Variants in KLHL32 observed in about 807,000 individuals in gnomAD.
KLHL32 encodes the protein kelch like family member 32, also known as kelch-like protein 32.
KLHL32 carries 35 observed loss-of-function variants against 64.8 expected under a neutral mutation model. That is an observed-to-expected ratio of 0.54 (90% CI 0.41 to 0.72). The LOEUF is 0.72. Ranked by LOEUF, KLHL32 falls within the 30% of genes least tolerant of loss-of-function variation. The pLI is 0.00. For missense variants in KLHL32, 589 were observed against 768.5 expected, an observed-to-expected ratio of 0.77 and a Z score of 2.76; for synonymous variants, 259 against 281.0, an observed-to-expected ratio of 0.92 and a Z score of 0.78.
chr6:96,948,338 T>C (rs955182107), intron 1 of KLHL32, among the ~76,000 whole-genome samples: 1 of 152,098 alleles, frequency 6.6e-6, no homozygotes, highest in Non-Finnish European at 1.5e-5. Context: ...GCTTGGTAGA[T>C]CATCATAGTT....
At chr6:96,988,880 C>T (rs1309292261) in intron 3 of KLHL32, among the ~76,000 whole-genome samples, 3 of 151,980 alleles carry the variant, frequency 2.0e-5, no homozygotes, top group East Asian at 3.9e-4. Flanking sequence ...CGCATGTTCT[C>T]ACTCACAGGT....
intron 2 of KLHL32, among the ~76,000 whole-genome samples, chr6:96,971,072 T>C (rs1388580407): frequency 6.6e-6 from 1 of 152,186 alleles, no homozygotes; most frequent in East Asian, 1.9e-4. Flanking sequence ...TAAAGTAGCC[T>C]AGTTAAGAAA....
intron 5 of KLHL32, among the ~76,000 whole-genome samples, chr6:97,078,705 G>A (rs1791996227): frequency 6.6e-6 from 1 of 152,172 alleles, no homozygotes; most frequent in Non-Finnish European, 1.5e-5. Flanking sequence ...AGAGAAATAG[G>A]TGTTTTTAAG....
At chr6:97,076,397 A>G (rs1034460217) in intron 5 of KLHL32, among the ~76,000 whole-genome samples, 7 of 152,342 alleles carry the variant, frequency 4.6e-5, no homozygotes, top group Admixed American at 1.3e-4. Flanking sequence ...AAGGTACTTT[A>G]TCTGCACTTT....
chr6:97,119,969 A>G (rs1798190094), intron 7 of KLHL32, among the ~76,000 whole-genome samples: 1 of 152,124 alleles, frequency 6.6e-6, no homozygotes, highest in Admixed American at 6.5e-5. Flanking sequence ...CCAGAGGTGA[A>G]GGAGGGATTT....
intron 6 of KLHL32, among the ~76,000 whole-genome samples, chr6:97,087,111 C>T (rs1024651754): frequency 1.3e-5 from 2 of 152,162 alleles, no homozygotes; most frequent in Non-Finnish European, 2.9e-5. Flanking sequence ...CTTTCTGCTG[C>T]AGGCAATAAT....
chr6:96,973,889 T>C (rs112388358), intron 2 of KLHL32, among the ~76,000 whole-genome samples: 2 of 152,066 alleles, frequency 1.3e-5, no homozygotes, highest in African/African-American at 4.8e-5. Context: ...GCCTGGCTAA[T>C]TTTTGTATTT....
At chr6:97,076,450 G>A (rs1225809336) in intron 5 of KLHL32, among the ~76,000 whole-genome samples, 2 of 152,046 alleles carry the variant, frequency 1.3e-5, no homozygotes, top group Admixed American at 6.5e-5. Context: ...GTCACTTTTC[G>A]CAATTTTTAG....
intron 4 of KLHL32, 25 bp from the exon 5 acceptor site, chr6:97,064,603 T>C (rs1401791644): frequency 4.4e-6 from 7 of 1,580,136 alleles, no homozygotes; most frequent in Admixed American, 3.4e-5. Context: ...ACTGATAGTT[T>C]TATTTTTGTT....
At chr6:97,088,457 C>T (rs879382) in intron 6 of KLHL32, among the ~76,000 whole-genome samples, 1 of 152,046 alleles carries the variant, frequency 6.6e-6, no homozygotes, top group Admixed American at 6.6e-5. Context: ...TTCAGTAGGG[C>T]CCTGTTAAAT....
chr6:96,985,010 C>G (rs913566278), intron 3 of KLHL32, among the ~76,000 whole-genome samples: 3 of 86,664 alleles, frequency 3.5e-5, no homozygotes, highest in African/African-American at 1.6e-4. Flanking sequence ...GTGGCTGGTA[C>G]CAATTGTTCC....
At position 97,107,613 on chromosome 6, in the gene KLHL32, A is replaced by G. The variant is rs565163702; in HGVS notation, c.628-6170A>G. ...GCTTATTGCTTTGCCAAGAATCTCA[A>G]ATAGAAGTGGCCAACACCAAACATG... On this transcript the variant is annotated intron_variant, in intron 6 of 10. Transcript: ENST00000369261. 2.6e-5 allele frequency among the ~76,000 whole-genome samples: 4 copies of G among 152,316 alleles called. No homozygotes were observed. The South Asian group carries it at 8.3e-4, about 32-fold the overall frequency.
At position 97,110,981 on chromosome 6, in the gene KLHL32, G is replaced by A. The variant is rs190619100; in HGVS notation, c.628-2802G>A. ...AACATTATAAAAGAACAGATAAGGA[G>A]CCATTTCAAACCACAAAGGAAGAAA... On this transcript the variant is annotated intron_variant, in intron 6 of 10. Coordinates refer to ENST00000369261, the MANE Select transcript of KLHL32 (RefSeq NM_052904.4). Among the ~76,000 whole-genome samples the A allele has an allele frequency of 1.3e-3, 200 of 150,678 alleles. 1 individual carries two copies. The highest frequency in any genetic ancestry group is 4.8e-3 in the African/African-American group (196 of 40,982).
At chr6:97,032,148 C>T (rs1783652175) in intron 3 of KLHL32, among the ~76,000 whole-genome samples, 1 of 152,148 alleles carries the variant, frequency 6.6e-6, no homozygotes, top group Admixed American at 6.5e-5. Flanking sequence ...TATCTTCCTG[C>T]ATAGTTCTGA....
chr6:97,019,493 C>A (rs988464840), intron 3 of KLHL32, among the ~76,000 whole-genome samples: 2 of 152,148 alleles, frequency 1.3e-5, no homozygotes, highest in Non-Finnish European at 2.9e-5. Flanking sequence ...TGTGGGCCAC[C>A]CCGGTAAGGT....
intron 3 of KLHL32, among the ~76,000 whole-genome samples, chr6:96,997,484 G>A (rs747846651): frequency 6.6e-6 from 1 of 152,080 alleles, no homozygotes; most frequent in Non-Finnish European, 1.5e-5. Context: ...ATGGTGGCTC[G>A]TAAATGTAAT....
At chr6:96,944,059 A>G (rs1292119863) in intron 1 of KLHL32, among the ~76,000 whole-genome samples, 1 of 152,164 alleles carries the variant, frequency 6.6e-6, no homozygotes, top group Non-Finnish European at 1.5e-5. Context: ...TTTGACCCCC[A>G]GCTGTATTCG....
intron 3 of KLHL32, among the ~76,000 whole-genome samples, chr6:96,998,977 G>A (rs1037908468): frequency 6.6e-6 from 1 of 152,066 alleles, no homozygotes; most frequent in African/African-American, 2.4e-5. Context: ...GAAGAATATG[G>A]CTAAAGAATT....
chr6:96,933,790 G>T (rs1247272231), intron 1 of KLHL32, among the ~76,000 whole-genome samples: 6 of 152,104 alleles, frequency 3.9e-5, no homozygotes, highest in Non-Finnish European at 1.5e-5. Flanking sequence ...TTTTCTTTAG[G>T]CAGCAGTCAC....
Sources: gnomAD v4.1 joint callset for allele counts (sites outside exome capture counted in the v4.1 genomes callset) on GRCh38, gnomAD v4.1.1 for gene constraint, MANE v1.5 for transcripts, NCBI Gene and HGNC (gene_info 2026-07-23, HGNC 2026-07-21) for gene names.